ARHGEF10: variants seen among roughly 807,000 people sequenced by gnomAD.
ARHGEF10 encodes Rho guanine nucleotide exchange factor 10.
ARHGEF10 carries 140 observed loss-of-function variants against 147.4 expected under a neutral mutation model. That is an observed-to-expected ratio of 0.95 (90% confidence interval 0.83 to 1.09). ARHGEF10 has a LOEUF of 1.09. ARHGEF10 is among the 50% of genes least tolerant of loss of function. The probability of loss-of-function intolerance (pLI) is 0.00; values close to 1 mark genes in which losing one functional copy is unlikely to be tolerated. For missense variants in ARHGEF10, 2,222 were observed against 1,752.7 expected (o/e 1.27, Z -4.78); for synonymous variants, 902 against 695.8 (o/e 1.30, Z -4.67).
At chr8:1,828,996 C>G (rs1802929165) in intron 1 of ARHGEF10, among the ~76,000 whole-genome samples, 1 of 152,194 alleles carries the variant, frequency 6.6e-6, no homozygotes, top group African/African-American at 2.4e-5. Context: ...CATAAGCTAG[C>G]GTGGTATTCA....
At position 1,896,343 on chromosome 8, in the gene ARHGEF10, C is replaced by G; in HGVS notation, c.1451C>G (p.Ser484Cys). ...CCTCCTGTGTTTCAGTTTTCTAAGT[C>G]CATGGTGCTGGATGCATACAGTGAA... ...GDVFVASFSKSMVLDAYSEYV... is the reference protein window; with the variant it reads ...GDVFVASFSKCMVLDAYSEYV... The change falls in exon 14 of 29, where the codon TCC becomes TGC. Residue 484 changes from serine to cysteine, a missense_variant. Transcript: ENST00000349830. 6.2e-7 allele frequency: 1 copy of G among 1,613,258 alleles called. No individual in the cohort carries two copies. Among genetic ancestry groups the G allele is most frequent in the Non-Finnish European group, 8.5e-7 (1 of 1,179,324 alleles).
At chr8:1,893,383 T>C (rs912178149) in intron 11 of ARHGEF10, among the ~76,000 whole-genome samples, 186 bp from the exon 12 acceptor site, 4 of 152,222 alleles carry the variant, frequency 2.6e-5, no homozygotes, top group Non-Finnish European at 4.4e-5. Context: ...TTTAAGACAT[T>C]ATATAATTGT....
intron 1 of ARHGEF10, among the ~76,000 whole-genome samples, chr8:1,836,007 C>G (rs376786289): frequency 1.8e-4 from 28 of 152,086 alleles, no homozygotes; most frequent in Middle Eastern, 6.8e-3. Context: ...TGGTGAAACC[C>G]CGTCTCTATT....
At chr8:1,861,831 G>A (rs934969481) in intron 4 of ARHGEF10, among the ~76,000 whole-genome samples, 2 of 152,236 alleles carry the variant, frequency 1.3e-5, no homozygotes, top group Non-Finnish European at 1.5e-5. Flanking sequence ...AGGGCGTGCA[G>A]AGTGTAGGAT....
intron 11 of ARHGEF10, among the ~76,000 whole-genome samples, chr8:1,890,359 C>T (rs1416353845): frequency 1.4e-5 from 2 of 143,502 alleles, no homozygotes; most frequent in African/African-American, 5.3e-5. Context: ...TGTGAGGATA[C>T]ACTGAGTTGG....
chr8:1,931,708 G>C (rs1160965820), intron 25 of ARHGEF10, among the ~76,000 whole-genome samples: 1 of 152,210 alleles, frequency 6.6e-6, no homozygotes, highest in Admixed American at 6.5e-5. Context: ...GAGCTTTCAA[G>C]GGACTTAAAA....
rs1258511188 is a variant in ARHGEF10, at chr8:1,909,540, G to A, written c.2143+70G>A. On this transcript the variant is annotated intron_variant, in intron 18 of 28. Coordinates refer to ENST00000349830, the MANE Select transcript of ARHGEF10 (RefSeq NM_014629.4). Reference sequence around the variant, plus strand: ...ACTCTCACGTTCATGCTAGCTGTGGGGCCAGCGTAAGCTCCACCATCAGCA... The same window carrying A: ...ACTCTCACGTTCATGCTAGCTGTGGAGCCAGCGTAAGCTCCACCATCAGCA... 3.1e-6 allele frequency: 5 copies of A among 1,589,398 alleles called. No homozygotes were observed. The African/African-American group carries it at 6.7e-5, about 21-fold the overall frequency.
intron 20 of ARHGEF10, 51 bp downstream of exon 20, chr8:1,923,646 A>G (rs2129213068): frequency 6.2e-7 from 1 of 1,614,134 alleles, no homozygotes; most frequent in Non-Finnish European, 8.5e-7. Context: ...TGGGGAGAAA[A>G]TGGTTCTTTG....
chr8:1,902,318 C>T (rs959580192), intron 15 of ARHGEF10, among the ~76,000 whole-genome samples: 1 of 152,132 alleles, frequency 6.6e-6, no homozygotes, highest in African/African-American at 2.4e-5. Context: ...AAACAAAAGG[C>T]CCTGCATAAA....
At chr8:1,833,648 T>G (rs58358771) in intron 1 of ARHGEF10, among the ~76,000 whole-genome samples, 117,457 of 152,190 alleles carry the variant, frequency 0.77, 45,840 homozygotes, top group Middle Eastern at 0.88. Flanking sequence ...TCAGCCCCCT[T>G]TCCATGCCAG....
At chr8:1,924,967 G>C (rs1168437595) in intron 21 of ARHGEF10, among the ~76,000 whole-genome samples, 1 of 152,224 alleles carries the variant, frequency 6.6e-6, no homozygotes, top group African/African-American at 2.4e-5. Flanking sequence ...ACTGGAGAAA[G>C]ATAAAGGGAA....
chr8:1,953,218 CGG>C, intron 28 of ARHGEF10, among the ~76,000 whole-genome samples: 1 of 137,308 alleles, frequency 7.3e-6, no homozygotes, highest in East Asian at 2.2e-4. Context: ...AGAAGGAAGC[CGG>C]GATCTCCGTC....
At chr8:1,956,292 C>T (rs1403339949) in intron 28 of ARHGEF10, among the ~76,000 whole-genome samples, 5 of 152,242 alleles carry the variant, frequency 3.3e-5, no homozygotes, top group South Asian at 4.1e-4. Flanking sequence ...AACCCCAGAA[C>T]GTTTTTGTAA....
intron 7 of ARHGEF10, among the ~76,000 whole-genome samples, chr8:1,874,276 G>T (rs1453527623): frequency 6.6e-6 from 1 of 152,156 alleles, no homozygotes; most frequent in Non-Finnish European, 1.5e-5. Context: ...CATCTGAATA[G>T]CCTGAGTTCT....
At chr8:1,843,293 C>A in intron 1 of ARHGEF10, 60 bp from the exon 2 acceptor site, 1 of 1,345,522 alleles carries the variant, frequency 7.4e-7, no homozygotes, top group Non-Finnish European at 1.0e-6. Flanking sequence ...CAGCCCTACA[C>A]CTATTGAGTG....
At chr8:1,869,389 G>C in intron 7 of ARHGEF10, 139 bp downstream of exon 7, 1 of 764,472 alleles carries the variant, frequency 1.3e-6, no homozygotes, top group African/African-American at 1.7e-5. Context: ...ATGGCTTATT[G>C]ATGTGTGGTG....
intron 2 of ARHGEF10, among the ~76,000 whole-genome samples, chr8:1,850,666 T>TAA (rs1805063636): frequency 6.6e-6 from 1 of 152,162 alleles, no homozygotes; most frequent in Non-Finnish European, 1.5e-5. Flanking sequence ...AGCACACTCT[T>TAA]ACCGTGTGAC....
At chr8:1,871,276 C>G (rs940703962) in intron 7 of ARHGEF10, 22 of 150,400 alleles carry the variant, frequency 1.5e-4, no homozygotes, top group Admixed American at 6.6e-5. Flanking sequence ...TATAGTATGC[C>G]TCAAAACAAA....
intron 18 of ARHGEF10, 77 bp downstream of exon 18, chr8:1,909,547 G>A (rs1039418165): frequency 5.4e-5 from 85 of 1,574,128 alleles, no homozygotes; most frequent in Admixed American, 1.6e-4. Flanking sequence ...TGGGGCCAGC[G>A]TAAGCTCCAC....
Sources: gnomAD v4.1 joint callset for allele counts (sites outside exome capture counted in the v4.1 genomes callset) on GRCh38, gnomAD v4.1.1 for gene constraint, MANE v1.5 for transcripts, NCBI Gene and HGNC (gene_info 2026-07-23, HGNC 2026-07-21) for gene names.